Variants in DHRSX observed in about 807,000 individuals in gnomAD.
The protein encoded by DHRSX is dehydrogenase/reductase X-linked.
Under a neutral mutation model 34.0 loss-of-function variants are expected in DHRSX, and 31 were observed. The observed-to-expected ratio is 0.91, with a 90% CI of 0.69 to 1.23. The LOEUF (loss-of-function observed/expected upper bound fraction) is 1.23. Ranked by LOEUF, DHRSX falls within the 50% of genes most tolerant of loss-of-function variation. DHRSX has a pLI of 0.00. For synonymous variants in DHRSX, 201 were observed against 183.8 expected, an observed-to-expected ratio of 1.09 and a Z score of -0.76; for missense variants, 414 against 428.1, an observed-to-expected ratio of 0.97 and a Z score of 0.29.
chrX:2,344,697 C>T (rs2042679135), intron 3 of DHRSX, among the ~76,000 whole-genome samples: 1 of 151,566 alleles, frequency 6.6e-6, no homozygotes, highest in Non-Finnish European at 1.5e-5. Context: ...GGGAACATCA[C>T]ACACCAGGGT....
intron 1 of DHRSX, among the ~76,000 whole-genome samples, chrX:2,496,960 G>C (rs1443441064): frequency 2.6e-5 from 4 of 151,164 alleles, no homozygotes; most frequent in Non-Finnish European, 5.9e-5. Flanking sequence ...TAATTGGCCT[G>C]TTACCATTAC....
intron 3 of DHRSX, among the ~76,000 whole-genome samples, chrX:2,402,500 G>A (rs1175935589): frequency 2.0e-5 from 3 of 152,228 alleles, no homozygotes; most frequent in East Asian, 1.9e-4. Context: ...AGACCCTGCC[G>A]TGTGGCTGGA....
At chrX:2,304,544 T>G (rs761973262) in intron 3 of DHRSX, among the ~76,000 whole-genome samples, 136 of 152,176 alleles carry the variant, frequency 8.9e-4, no homozygotes, top group Non-Finnish European at 3.7e-4. Context: ...GTGCTTGCAA[T>G]AGTGAATGAG....
chrX:2,446,396 G>A (rs2044135467), intron 1 of DHRSX, among the ~76,000 whole-genome samples: 1 of 151,998 alleles, frequency 6.6e-6, no homozygotes, highest in South Asian at 2.1e-4. Flanking sequence ...CCGCCACCGT[G>A]TACACACTGC....
intron 4 of DHRSX, among the ~76,000 whole-genome samples, chrX:2,282,783 G>GGAGA (rs1347754091): frequency 2.2e-5 from 1 of 45,132 alleles, no homozygotes; most frequent in Non-Finnish European, 5.6e-5. Context: ...GGAGGGAGGG[G>GGAGA]GAGAGAGAGA....
intron 2 of DHRSX, among the ~76,000 whole-genome samples, chrX:2,409,710 GGTTTTTTTGTTTT>G (rs1193306024): frequency 1.7e-4 from 26 of 151,782 alleles, no homozygotes; most frequent in African/African-American, 3.6e-4. Flanking sequence ...ATGTTAATTG[GGTTTTTTTGTTTT>G]GTTTTTTTGT....
intron 5 of DHRSX, among the ~76,000 whole-genome samples, chrX:2,253,287 G>A (rs1423218776): frequency 7.2e-6 from 1 of 138,664 alleles, no homozygotes; most frequent in East Asian, 2.1e-4. Flanking sequence ...AGCCAAGATG[G>A]CGCCACGGCA....
chrX:2,274,817 C>CCTGA (rs2041603674), intron 4 of DHRSX, among the ~76,000 whole-genome samples: 1 of 152,100 alleles, frequency 6.6e-6, no homozygotes, highest in Admixed American at 6.6e-5. Flanking sequence ...GGAACGAAAG[C>CCTGA]CTGACATATT....
chrX:2,377,988 T>C (rs2124607419), intron 3 of DHRSX, among the ~76,000 whole-genome samples: 1 of 152,310 alleles, frequency 6.6e-6, no homozygotes, highest in Non-Finnish European at 1.5e-5. Context: ...TCCGCCTGCC[T>C]CGGCCTCCCA....
At chrX:2,489,130 C>T (rs1307202483) in intron 1 of DHRSX, 1 of 1,613,702 alleles carries the variant, frequency 6.2e-7, no homozygotes. Context: ...GCATGAGCTT[C>T]TTGACGGGAG....
chrX:2,497,717 G>C (rs778144011), intron 1 of DHRSX, among the ~76,000 whole-genome samples: 1 of 152,242 alleles, frequency 6.6e-6, no homozygotes, highest in Non-Finnish European at 1.5e-5. Flanking sequence ...CTTGACTACA[G>C]GTACCATCAA....
At position 2,425,222 on chromosome X, in the gene DHRSX, C is replaced by T. The variant is rs375849750; in HGVS notation, c.192G>A (p.Ala64=). 5 of 1,613,634 alleles carry T rather than the reference C, an allele frequency of 3.1e-6. No homozygotes were observed. The highest frequency in any genetic ancestry group is 2.2e-5 in the East Asian group (1 of 44,892). ...CTATGATAACATGCATGCCAAGTCT[C>T]GCCAGATGCTTCGCTGTAGAATAGC... is the stretch of plus-strand genomic sequence containing the variant. ...GIGYSTAKHL[A]RLGMHVIIAG... The change falls in exon 2 of 7, where the codon GCG becomes GCA. Residue 64 remains alanine, a synonymous_variant. Coordinates refer to ENST00000334651, the MANE Select transcript of DHRSX (RefSeq NM_145177.3).
chrX:2,395,848 G>T (rs2043402667), intron 3 of DHRSX, among the ~76,000 whole-genome samples: 1 of 152,098 alleles, frequency 6.6e-6, no homozygotes, highest in Non-Finnish European at 1.5e-5. Flanking sequence ...GCTGTAGTAT[G>T]CCTCTATCAG....
At chrX:2,438,357 G>A (rs1281487276) in intron 1 of DHRSX, among the ~76,000 whole-genome samples, 3 of 150,980 alleles carry the variant, frequency 2.0e-5, no homozygotes, top group African/African-American at 7.3e-5. Flanking sequence ...AAGTAAGATT[G>A]ACAGCAAAGC....
intron 4 of DHRSX, among the ~76,000 whole-genome samples, chrX:2,269,618 C>A (rs1444961995): frequency 1.3e-5 from 2 of 152,170 alleles, no homozygotes; most frequent in African/African-American, 4.8e-5. Context: ...CTCACTGCAA[C>A]CTCCGCCTCC....
chrX:2,358,024 G>C (rs1324183233), intron 3 of DHRSX, among the ~76,000 whole-genome samples: 2 of 152,156 alleles, frequency 1.3e-5, no homozygotes, highest in South Asian at 4.1e-4. Flanking sequence ...ACAGCAATCA[G>C]AATCAAGTGA....
At chrX:2,383,290 C>G (rs926974512) in intron 3 of DHRSX, among the ~76,000 whole-genome samples, 4 of 151,748 alleles carry the variant, frequency 2.6e-5, no homozygotes, top group African/African-American at 9.7e-5. Context: ...TTTTCATCAT[C>G]ACTATCATCA....
intron 4 of DHRSX, among the ~76,000 whole-genome samples, chrX:2,283,318 T>TCGGGAGAGGCAGAGGA (rs1372822767): frequency 6.6e-6 from 1 of 151,604 alleles, no homozygotes; most frequent in Admixed American, 6.6e-5. Flanking sequence ...GAAGGCGCCA[T>TCGGGAGAGGCAGAGGA]CGGGAGAGGC....
At chrX:2,252,549 G>T (rs1432479527) in intron 5 of DHRSX, among the ~76,000 whole-genome samples, 1 of 152,186 alleles carries the variant, frequency 6.6e-6, no homozygotes, top group Admixed American at 6.5e-5. Context: ...AAGAGGAATG[G>T]TTACTTGAAA....
Sources: allele counts gnomAD v4.1 joint callset (sites outside exome capture counted in the v4.1 genomes callset), GRCh38; gene constraint gnomAD v4.1.1; transcripts MANE v1.5; gene names NCBI Gene and HGNC (gene_info 2026-07-23, HGNC 2026-07-21).